NR2C2: variants seen among roughly 807,000 people sequenced by gnomAD.
The protein encoded by NR2C2 is Nuclear hormone receptor TR4.
A neutral mutation model predicts 62.9 loss-of-function variants in NR2C2; 6 were observed. The observed-to-expected ratio is 0.10, with a 90% CI of 0.05 to 0.19. The LOEUF (loss-of-function observed/expected upper bound fraction) is 0.19, where lower values mean the gene tolerates loss of function less well. Ranked by LOEUF, NR2C2 falls within the 10% of genes least tolerant of loss-of-function variation. The probability of loss-of-function intolerance (pLI) is 1.00; values close to 1 mark genes in which losing one functional copy is unlikely to be tolerated. For missense variants in NR2C2, 479 were observed against 762.7 expected, an observed-to-expected ratio of 0.63 and a Z score of 4.38; for synonymous variants, 272 against 273.8, an observed-to-expected ratio of 0.99 and a Z score of 0.07.
intron 1 of NR2C2, among the ~76,000 whole-genome samples, chr3:14,960,372 C>G (rs62241825): frequency 8.5e-5 from 13 of 152,114 alleles, no homozygotes; most frequent in Non-Finnish European, 1.9e-4. Flanking sequence ...TATCTGTAGT[C>G]ACCTGTTGTT....
At chr3:15,014,697 C>G (rs1295195314) in intron 3 of NR2C2, among the ~76,000 whole-genome samples, 2 of 152,108 alleles carry the variant, frequency 1.3e-5, no homozygotes, top group African/African-American at 4.8e-5. Context: ...CTTTCTGTCT[C>G]CATGAATTTG....
In NR2C2 at chr3:15,013,720, C is replaced by G; in HGVS notation, c.204C>G (p.Ser68=). 1 of 1,614,216 alleles carries G rather than the reference C, an allele frequency of 6.2e-7. No individual in the cohort carries two copies. Among genetic ancestry groups the G allele is most frequent in the South Asian group, 1.1e-5 (1 of 91,088 alleles). The change falls in exon 3 of 14, where the codon TCC becomes TCG. Residue 68 remains serine, a synonymous_variant. Transcript: ENST00000425241. The part of the protein sequence containing the change: ...GAGTGKVILA[S]PETSSAKQLI... ...GAACTGGGAAGGTGATCCTGGCTTC[C>G]CCAGAGACATCCAGCGCCAAGCAAC...
In NR2C2 at chr3:15,045,989, G is replaced by C. The variant is rs970490223; in HGVS notation, c.*2981G>C. 1 of 152,216 alleles carries C rather than the reference G, an allele frequency of 6.6e-6. No homozygotes were observed. The highest frequency in any genetic ancestry group is 1.5e-5 in the Non-Finnish European group (1 of 68,046). The allele number at this position is 152,216 out of a possible 1,614,324, so 9.4% of individuals were successfully genotyped here. A position where few individuals can be genotyped will look rare whatever the true frequency, so the allele number is the denominator to read the frequency against. On this transcript the variant is annotated 3_prime_UTR_variant, in exon 14 of 14. Transcript: ENST00000425241. ...ACAGATAGATGTTGAAAATGGTGGAGATCATTACACATTAGCATAAAACAG... is the reference window on the plus strand; with the variant it reads ...ACAGATAGATGTTGAAAATGGTGGACATCATTACACATTAGCATAAAACAG...
At chr3:15,001,717 A>G (rs1286171753) in intron 1 of NR2C2, among the ~76,000 whole-genome samples, 1 of 152,164 alleles carries the variant, frequency 6.6e-6, no homozygotes, top group Non-Finnish European at 1.5e-5. Context: ...ACTGGGCTCA[A>G]GCAATCCTCC....
chr3:14,978,059 T>TA (rs921423805), intron 1 of NR2C2, among the ~76,000 whole-genome samples: 35 of 150,184 alleles, frequency 2.3e-4, no homozygotes, highest in Middle Eastern at 6.9e-3. Flanking sequence ...ATAAAAATAT[T>TA]AAAAAAAAAG....
intron 2 of NR2C2, chr3:15,004,537 T>C (rs902565901): frequency 2.5e-6 from 4 of 1,602,114 alleles, no homozygotes; most frequent in Non-Finnish European, 2.6e-6. Context: ...TATTCACTTA[T>C]GGGAAGTTGT....
At chr3:15,001,318 G>GTTTTTTTTTTTTTTTTTTTGGTT (rs2040990145) in intron 1 of NR2C2, among the ~76,000 whole-genome samples, 3 of 97,484 alleles carry the variant, frequency 3.1e-5, no homozygotes, top group African/African-American at 1.2e-4. Context: ...TTTGTTTTGG[G>GTTTTTTTTTTTTTTTTTTTGGTT]TTTTTTTTTT....
intron 3 of NR2C2, 42 bp from the exon 4 acceptor site, chr3:15,016,110 A>T (rs1354826496): frequency 2.0e-6 from 3 of 1,514,684 alleles, no homozygotes; most frequent in African/African-American, 1.4e-5. Flanking sequence ...CAGTGATTTG[A>T]TTTTTAATTG....
At chr3:14,963,336 ATAAG>A (rs150723847) in intron 1 of NR2C2, among the ~76,000 whole-genome samples, 2,410 of 152,334 alleles carry the variant, frequency 0.016, 68 homozygotes, top group African/African-American at 0.054. Flanking sequence ...GTCTCAAAAA[ATAAG>A]TAATTAGCCA....
intron 4 of NR2C2, among the ~76,000 whole-genome samples, chr3:15,017,807 A>C (rs1559295332): frequency 6.6e-6 from 1 of 152,260 alleles, no homozygotes; most frequent in Admixed American, 6.5e-5. Flanking sequence ...AGAGCTTAGA[A>C]CAGTGGGATT....
rs2042346829 is a variant in NR2C2, at chr3:15,043,552, G to A, written c.*544G>A. On this transcript the variant is annotated 3_prime_UTR_variant, in exon 14 of 14. Coordinates refer to ENST00000425241, the MANE Select transcript of NR2C2 (RefSeq NM_001291694.2). Reference sequence around the variant, plus strand: ...TGTGAAAACTCACTAGGGTACAGGAGACAATCATTTATGTTTAAGAAAAGA... The same window carrying A: ...TGTGAAAACTCACTAGGGTACAGGAAACAATCATTTATGTTTAAGAAAAGA... 6.5e-6 allele frequency: 1 copy of A among 152,680 alleles called. No homozygotes were observed. Among genetic ancestry groups the A allele is most frequent in the Admixed American group, 6.5e-5 (1 of 15,290 alleles). 9.5% of individuals were successfully genotyped at this position (152,680 alleles called of 1,614,324 possible). A position where few individuals can be genotyped will look rare whatever the true frequency, so the allele number is the denominator to read the frequency against.
chr3:14,955,982 C>T (rs2039514049), intron 1 of NR2C2, among the ~76,000 whole-genome samples: 1 of 152,186 alleles, frequency 6.6e-6, no homozygotes, highest in Non-Finnish European at 1.5e-5. Context: ...CATATCATTG[C>T]TGCACTTTTT....
At chr3:14,989,273 T>C (rs1303999742) in intron 1 of NR2C2, among the ~76,000 whole-genome samples, 1 of 152,166 alleles carries the variant, frequency 6.6e-6, no homozygotes, top group Non-Finnish European at 1.5e-5. Context: ...GTGGACCTAT[T>C]ACAGTGTTCT....
intron 1 of NR2C2, among the ~76,000 whole-genome samples, chr3:14,960,323 A>G (rs572008593): frequency 3.3e-5 from 5 of 152,364 alleles, no homozygotes; most frequent in African/African-American, 7.2e-5. Flanking sequence ...TAGCTTTTCT[A>G]AACTTAAACA....
chr3:14,974,022 G>A (rs1188812517), intron 1 of NR2C2, among the ~76,000 whole-genome samples: 1 of 152,146 alleles, frequency 6.6e-6, no homozygotes, highest in Non-Finnish European at 1.5e-5. Context: ...TATTCATACT[G>A]TTGTACAACA....
At chr3:14,957,623 C>G (rs180973011) in intron 1 of NR2C2, among the ~76,000 whole-genome samples, 12 of 152,118 alleles carry the variant, frequency 7.9e-5, no homozygotes, top group Admixed American at 7.2e-4. Context: ...ACGATGTTGC[C>G]CAGGCTGGAT....
chr3:15,016,353 T>C, intron 4 of NR2C2, 99 bp downstream of exon 4: 1 of 790,814 alleles, frequency 1.3e-6, no homozygotes, highest in Middle Eastern at 2.3e-4. Flanking sequence ...GACCATTTTA[T>C]GTACGTTTGT....
At chr3:14,959,357 A>G (rs541730199) in intron 1 of NR2C2, among the ~76,000 whole-genome samples, 1 of 152,200 alleles carries the variant, frequency 6.6e-6, no homozygotes, top group Non-Finnish European at 1.5e-5. Flanking sequence ...TTATATGAGA[A>G]TAGGCTATAT....
chr3:15,022,087 A>C (rs2041684205), intron 5 of NR2C2, among the ~76,000 whole-genome samples: 1 of 152,244 alleles, frequency 6.6e-6, no homozygotes, highest in South Asian at 2.1e-4. Flanking sequence ...GTAGCTGCAA[A>C]CACAATATTC....
Sources: allele counts gnomAD v4.1 joint callset (sites outside exome capture counted in the v4.1 genomes callset), GRCh38; gene constraint gnomAD v4.1.1; transcripts MANE v1.5; gene names NCBI Gene and HGNC (gene_info 2026-07-23, HGNC 2026-07-21).